MPP3: variants seen among roughly 807,000 people sequenced by gnomAD.
The protein encoded by MPP3 is MAGUK p55 scaffold protein 3.
A neutral mutation model predicts 80.7 loss-of-function variants in MPP3; 48 were observed. The observed-to-expected ratio is 0.59, with a 90% confidence interval of 0.47 to 0.76. MPP3 has a LOEUF of 0.76. MPP3 is among the 30% of genes least tolerant of loss of function. The pLI, the probability that MPP3 is intolerant of heterozygous loss-of-function variation, is 0.00. For missense variants in MPP3, 620 were observed against 763.0 expected (o/e 0.81, Z 2.21); for synonymous variants, 311 against 297.6 (o/e 1.04, Z -0.46).
At chr17:43,814,674 C>T in intron 14 of MPP3, 2 of 254,364 alleles carry the variant, frequency 7.9e-6, no homozygotes, top group East Asian at 7.5e-5. Flanking sequence ...TCTACAACTA[C>T]TATGTGTGGT....
Position 43,825,763 on chromosome 17 carries a change from T to C in MPP3, c.602A>G (p.Gln201Arg), listed in dbSNP as rs746929568. 1.7e-5 allele frequency: 28 copies of C among 1,609,854 alleles called. No homozygotes were observed. Among genetic ancestry groups the C allele is most frequent in the Admixed American group, 1.0e-4 (6 of 59,998 alleles). ...VLHKRPDEISQILAQSQGSIT... is the reference protein window; with the variant it reads ...VLHKRPDEISRILAQSQGSIT... The stretch of plus-strand genomic sequence containing the variant: ...CAGGCTTGTAGCACGGACCAGAATC[T>C]GGCTGATCTCGTCGGGCCGCTTGTG... The change falls in exon 9 of 20, where the codon CAG (glutamine) becomes CGG (arginine). Residue 201 changes from glutamine (Q) to arginine (R), a missense_variant. Transcript: ENST00000398389.
At chr17:43,826,845 C>CTT (rs1022904829) in intron 8 of MPP3, among the ~76,000 whole-genome samples, 25 of 121,280 alleles carry the variant, frequency 2.1e-4, no homozygotes, top group African/African-American at 4.0e-4. Context: ...TTTTTTTTTT[C>CTT]TTTTTTTTTT....
intron 14 of MPP3, among the ~76,000 whole-genome samples, chr17:43,815,107 C>A (rs2045050750): frequency 1.3e-5 from 2 of 152,172 alleles, no homozygotes. Flanking sequence ...CCAAGGCAGG[C>A]AGATCACTTG....
rs1211544616 is a variant in MPP3 at position 43,825,774 on chromosome 17, G to A, written c.591C>T (p.Asp197=). 9.9e-6 allele frequency: 16 copies of A among 1,612,388 alleles called. No homozygotes were observed. Among genetic ancestry groups the A allele is most frequent in the South Asian group, 2.2e-5 (2 of 91,046 alleles). ...CACGGACCAGAATCTGGCTGATCTC[G>A]TCGGGCCGCTTGTGCAGGACTGCGA... ...NGIAVLHKRP[D]EISQILAQSQ... Residue 197 remains aspartate (D), a synonymous_variant, in exon 9 of 20, where the codon GAC becomes GAT. Transcript: ENST00000398389.
At chr17:43,803,895 C>T (rs2044512411) in intron 19 of MPP3, among the ~76,000 whole-genome samples, 1 of 152,134 alleles carries the variant, frequency 6.6e-6, no homozygotes, top group South Asian at 2.1e-4. Context: ...CATCAGCCCA[C>T]CTGCTTGGAA....
intron 19 of MPP3, among the ~76,000 whole-genome samples, chr17:43,807,538 T>C (rs1403571091): frequency 6.6e-6 from 1 of 151,760 alleles, no homozygotes; most frequent in Non-Finnish European, 1.5e-5. Context: ...CAGGCTGGTC[T>C]TGAATTCCTG....
intron 4 of MPP3, 42 bp from the exon 5 acceptor site, chr17:43,831,363 C>T (rs2045951575): frequency 6.3e-7 from 1 of 1,589,560 alleles, no homozygotes; most frequent in Non-Finnish European, 8.6e-7. Flanking sequence ...GGACACCACA[C>T]ATCCCACCCA....
intron 17 of MPP3, 86 bp from the exon 18 acceptor site, chr17:43,811,001 C>G: frequency 7.0e-7 from 1 of 1,423,094 alleles, no homozygotes; most frequent in Non-Finnish European, 9.9e-7. Flanking sequence ...AACATGACTT[C>G]TCTCCCGCTT....
chr17:43,805,227 C>T (rs561183418), intron 19 of MPP3, among the ~76,000 whole-genome samples: 1 of 152,180 alleles, frequency 6.6e-6, no homozygotes, highest in Non-Finnish European at 1.5e-5. Flanking sequence ...AGATGCTCAA[C>T]TTCACTGATG....
intron 2 of MPP3, among the ~76,000 whole-genome samples, chr17:43,832,482 G>T (rs1039274878): frequency 3.3e-5 from 5 of 152,178 alleles, no homozygotes; most frequent in African/African-American, 1.2e-4. Context: ...GGAGCCTCCA[G>T]ACTGGAGTGC....
intron 19 of MPP3, among the ~76,000 whole-genome samples, chr17:43,804,831 C>T (rs572486617): frequency 2.6e-4 from 39 of 152,262 alleles, no homozygotes; most frequent in African/African-American, 8.4e-4. Flanking sequence ...GCCTGGCCAA[C>T]GTGGTAAAAC....
At chr17:43,815,758 T>G in intron 14 of MPP3, 2 of 654,136 alleles carry the variant, frequency 3.1e-6, no homozygotes, top group Non-Finnish European at 5.6e-6. Context: ...CCAATTGCAA[T>G]GATGGTGATA....
At chr17:43,814,558 A>T (rs2086099417) in intron 14 of MPP3, 197 bp from the exon 15 acceptor site, 1 of 513,000 alleles carries the variant, frequency 1.9e-6, no homozygotes, top group Non-Finnish European at 3.4e-6. Context: ...TGCATTCACA[A>T]ACTAGGGCTT....
In MPP3 at chr17:43,801,667, A is replaced by G; in HGVS notation, c.*34T>C. The stretch of plus-strand genomic sequence containing the variant: ...GGGAGTCTGGACTAGATGATCTTCA[A>G]GGTCCCGTCCAGCTTGGATGTTCTG... On this transcript the variant is annotated 3_prime_UTR_variant, in exon 20 of 20. Transcript: ENST00000398389. The G allele has an allele frequency of 6.2e-7, 1 of 1,602,306 alleles. No individual in the cohort carries two copies. Among genetic ancestry groups the G allele is most frequent in the Non-Finnish European group, 8.5e-7 (1 of 1,170,104 alleles).
chr17:43,808,240 C>A (rs924867065), intron 19 of MPP3, among the ~76,000 whole-genome samples: 7 of 152,178 alleles, frequency 4.6e-5, no homozygotes, highest in Non-Finnish European at 8.8e-5. Context: ...ATGAAACCAG[C>A]TATATAGGAC....
At chr17:43,813,590 G>A (rs1453481121) in intron 16 of MPP3, among the ~76,000 whole-genome samples, 1 of 152,166 alleles carries the variant, frequency 6.6e-6, no homozygotes, top group East Asian at 1.9e-4. Flanking sequence ...ATAAGGGAGT[G>A]CCGAGAAATA....
intron 10 of MPP3, 117 bp from the exon 11 acceptor site, chr17:43,821,175 T>C: frequency 1.1e-6 from 1 of 928,552 alleles, no homozygotes; most frequent in Admixed American, 2.3e-5. Context: ...CAAGTGGCCT[T>C]TCAAATAGAA....
rs770223751 is a variant in MPP3 at position 43,801,683 on chromosome 17, G to A, written c.*18C>T. On this transcript the variant is annotated 3_prime_UTR_variant, in exon 20 of 20. Coordinates refer to ENST00000398389, the MANE Select transcript of MPP3 (RefSeq NM_001932.6). ...TGATCTTCAAGGTCCCGTCCAGCTT[G>A]GATGTTCTGGGATAAAGTTACCTGA... 1 of 1,612,900 alleles carries A rather than the reference G, an allele frequency of 6.2e-7. No individual in the cohort carries two copies.
At chr17:43,831,970 T>C (rs774435007) in intron 2 of MPP3, 27 bp from the exon 3 acceptor site, 33 of 1,444,308 alleles carry the variant, frequency 2.3e-5, no homozygotes, top group Admixed American at 1.2e-4. Context: ...GAGGTGGGTA[T>C]TGAAGCTCCA....
Sources: allele counts gnomAD v4.1 joint callset (sites outside exome capture counted in the v4.1 genomes callset), GRCh38; gene constraint gnomAD v4.1.1; transcripts MANE v1.5; gene names NCBI Gene and HGNC (gene_info 2026-07-23, HGNC 2026-07-21).